Variants in NRROS observed in about 807,000 individuals in gnomAD.
The protein encoded by NRROS is transforming growth factor beta activator LRRC33.
Under a neutral mutation model 12.0 loss-of-function variants are expected in NRROS, and 6 were observed. The observed-to-expected ratio is 0.50, with a 90% CI of 0.27 to 0.98. The LOEUF (loss-of-function observed/expected upper bound fraction) is 0.98, where lower values mean the gene tolerates loss of function less well. NRROS is among the 50% of genes least tolerant of loss of function. The pLI is 0.11. For synonymous variants in NRROS, 462 were observed against 410.2 expected (o/e 1.13, Z -1.53); for missense variants, 857 against 888.2 (o/e 0.96, Z 0.45).
At position 196,659,957 on chromosome 3, in the gene NRROS, G is replaced by A; in HGVS notation, c.314G>A (p.Gly105Asp). The change falls in exon 3 of 3, where the codon GGT (glycine) becomes GAT (aspartate). Residue 105 changes from glycine to aspartate, a missense_variant. Gly to Asp is a moderately conservative substitution (Grantham distance 94, BLOSUM62 -1). Coordinates refer to ENST00000328557, the MANE Select transcript of NRROS (RefSeq NM_198565.3). ...RISRGAFQEQ[G>D]HLRSLVLGDN... ...AGCCGCGGCGCCTTCCAGGAGCAAG[G>A]TCACCTGCGCAGCCTGGTCCTGGGG... is the stretch of plus-strand genomic sequence containing the variant. The A allele has an allele frequency of 6.2e-7, 1 of 1,614,004 alleles. No homozygotes were observed. The highest frequency in any genetic ancestry group is 8.5e-7 in the Non-Finnish European group (1 of 1,179,980).
intron 2 of NRROS, among the ~76,000 whole-genome samples, chr3:196,658,867 G>A (rs1737596110): frequency 6.6e-6 from 1 of 152,128 alleles, no homozygotes; most frequent in Non-Finnish European, 1.5e-5. Flanking sequence ...CTACTCGGGA[G>A]GCTGAAACAG....
At chr3:196,649,505 T>C (rs113146180) in intron 1 of NRROS, among the ~76,000 whole-genome samples, 10,745 of 152,050 alleles carry the variant, frequency 0.071, 715 homozygotes, top group African/African-American at 0.18. Context: ...GGAGTCTCGC[T>C]CTGTCGCCCA....
At chr3:196,648,790 A>AAAAAC (rs1737358266) in intron 1 of NRROS, among the ~76,000 whole-genome samples, 1 of 146,136 alleles carries the variant, frequency 6.8e-6, no homozygotes, top group Non-Finnish European at 1.5e-5. Context: ...AAAAAAAAAA[A>AAAAAC]TTCCAACATC....
At chr3:196,653,416 G>C (rs1283569384) in intron 1 of NRROS, among the ~76,000 whole-genome samples, 6 of 151,752 alleles carry the variant, frequency 4.0e-5, no homozygotes. Context: ...GGAGGCCCCT[G>C]AGTGGCTGGA....
chr3:196,659,704 C>T (rs771034780), intron 2 of NRROS, 48 bp from the exon 3 acceptor site: 2 of 1,553,568 alleles, frequency 1.3e-6, no homozygotes, highest in Non-Finnish European at 1.7e-6. Flanking sequence ...TGCATAAATG[C>T]TTGCCTCTGG....
At chr3:196,658,019 G>A (rs1222860108) in intron 2 of NRROS, among the ~76,000 whole-genome samples, 2 of 152,180 alleles carry the variant, frequency 1.3e-5, no homozygotes, top group African/African-American at 4.8e-5. Flanking sequence ...CAGGGTAATG[G>A]AGGTCTCTTT....
At chr3:196,649,323 C>T (rs535702731) in intron 1 of NRROS, among the ~76,000 whole-genome samples, 1 of 152,170 alleles carries the variant, frequency 6.6e-6, no homozygotes, top group African/African-American at 2.4e-5. Context: ...TTCTTGCAGT[C>T]AAAGGCAGAC....
chr3:196,654,684 C>G lies in NRROS; in HGVS notation c.108+37C>G. The G allele has an allele frequency of 7.6e-7, 1 of 1,308,102 alleles. No homozygotes were observed. The highest frequency in any genetic ancestry group is 1.1e-6 in the Non-Finnish European group (1 of 911,594). 81.0% of individuals were successfully genotyped at this position (1,308,102 alleles called of 1,614,324 possible). ...TTGAACCCTGATCTGTCGGCTGCTC[C>G]TGTCCTGACAAGGCTTGGTCCATTT... On this transcript the variant is annotated intron_variant, in intron 2 of 2. Coordinates refer to ENST00000328557, the MANE Select transcript of NRROS (RefSeq NM_198565.3). The surrounding 1 kb of genome is among the most constrained non-coding windows in gnomAD (Gnocchi z 4.4).
intron 1 of NRROS, among the ~76,000 whole-genome samples, chr3:196,644,835 C>A (rs1417008941): frequency 6.6e-6 from 1 of 150,896 alleles, no homozygotes; most frequent in Admixed American, 6.6e-5. Context: ...TGCCTGTAGC[C>A]CCAGCTACTC....
chr3:196,642,696 T>C (rs1737231333), intron 1 of NRROS, among the ~76,000 whole-genome samples: 1 of 152,068 alleles, frequency 6.6e-6, no homozygotes, highest in Non-Finnish European at 1.5e-5. Context: ...CACACAGACT[T>C]TTGAAGAAAG....
chr3:196,659,639 C>T, intron 2 of NRROS, 113 bp from the exon 3 acceptor site: 1 of 1,102,696 alleles, frequency 9.1e-7, no homozygotes, highest in Non-Finnish European at 1.3e-6. Context: ...ATGAACATCT[C>T]TAGAGCCATC....
rs542462453 is a variant in NRROS, at chr3:196,661,609, A to G, written c.1966A>G (p.Ile656Val). Residue 656 changes from isoleucine to valine, a missense_variant, in exon 3 of 3, where the codon ATC (isoleucine) becomes GTC (valine). Physicochemically the swap from Ile to Val is conservative, Grantham distance 29. Coordinates refer to ENST00000328557, the MANE Select transcript of NRROS (RefSeq NM_198565.3). ...CCTGGGCCTGCTCTACCTCGTGCTC[A>G]TCCTCCCCAGCTGCCTCACCCTGCT... ...LDLGLLYLVLILPSCLTLLVA... is the reference protein window; with the variant it reads ...LDLGLLYLVLVLPSCLTLLVA... The G allele has an allele frequency of 6.2e-7, 1 of 1,613,376 alleles. No homozygotes were observed. Among genetic ancestry groups the G allele is most frequent in the African/African-American group, 1.3e-5 (1 of 74,998 alleles).
intron 2 of NRROS, among the ~76,000 whole-genome samples, chr3:196,658,237 C>CA (rs1737579307): frequency 1.3e-5 from 2 of 152,222 alleles, no homozygotes. Flanking sequence ...GGTTACTGAA[C>CA]AGTTTGCACA....
intron 1 of NRROS, among the ~76,000 whole-genome samples, chr3:196,650,268 C>CGA (rs1257158849): frequency 6.6e-6 from 1 of 152,194 alleles, no homozygotes; most frequent in Non-Finnish European, 1.5e-5. Context: ...CTCAGCCTCC[C>CGA]GAGTAGCTGG....
At position 196,661,069 on chromosome 3, in the gene NRROS, G is replaced by T. The variant is rs759649681; in HGVS notation, c.1426G>T (p.Ala476Ser). The change falls in exon 3 of 3, where the codon GCA becomes TCA. Residue 476 changes from alanine (A) to serine (S), a missense_variant. Transcript: ENST00000328557. Reference protein sequence around the residue: ...SLSLEGCGLGALPDCPFQGTS... With the variant: ...SLSLEGCGLGSLPDCPFQGTS... ...GTCTCTGGAGGGCTGTGGCCTGGGG[G>T]CATTGCCAGACTGCCCATTCCAAGG... 4.3e-6 allele frequency: 7 copies of T among 1,614,142 alleles called. No homozygotes were observed. The highest frequency in any genetic ancestry group is 2.2e-5 in the South Asian group (2 of 91,086).
chr3:196,652,157 A>G (rs932149718), intron 1 of NRROS, among the ~76,000 whole-genome samples: 1 of 152,182 alleles, frequency 6.6e-6, no homozygotes, highest in Non-Finnish European at 1.5e-5. Flanking sequence ...CAGAGTTTTT[A>G]ATTGAACCTT....
Position 196,648,333 on chromosome 3 carries a change from T to C in NRROS, c.-13-6194T>C, listed in dbSNP as rs559812775. Among the ~76,000 whole-genome samples the C allele has an allele frequency of 1.1e-4, 17 of 152,296 alleles. No individual in the cohort carries two copies. The South Asian group carries it at 3.5e-3, about 32-fold the overall frequency. ...TGCTTCAGCATGCATTTCCTAACAA[T>C]AGAGGCGATGTCTTACATAACCACA... On this transcript the variant is annotated intron_variant, in intron 1 of 2. Coordinates refer to ENST00000328557, the MANE Select transcript of NRROS (RefSeq NM_198565.3).
In NRROS at chr3:196,654,965, A is replaced by G. The variant is rs2340533; in HGVS notation, c.108+318A>G. The G allele has an allele frequency of 0.77, 193,521 of 249,826 alleles. 75,405 individuals carry two copies. The highest frequency in any genetic ancestry group is 0.84 in the African/African-American group (36,817 of 43,874). 15.5% of individuals were successfully genotyped at this position (249,826 alleles called of 1,614,324 possible). On this transcript the variant is annotated intron_variant, in intron 2 of 2. Transcript: ENST00000328557. The surrounding 1 kb of genome is among the most constrained non-coding windows in gnomAD (Gnocchi z 4.4). ...AATCTGGATGATTCAGGCCGGGTGC[A>G]GTGGCTCAGGCCTGTAATCCCAGCA...
chr3:196,656,486 C>G (rs966780096), intron 2 of NRROS, among the ~76,000 whole-genome samples: 1 of 152,192 alleles, frequency 6.6e-6, no homozygotes, highest in African/African-American at 2.4e-5. Context: ...ATAATAATAT[C>G]TACCAATAAC....
Sources: allele counts gnomAD v4.1 joint callset (sites outside exome capture counted in the v4.1 genomes callset), GRCh38; gene constraint gnomAD v4.1.1; non-coding constraint Gnocchi (gnomAD v3.1); transcripts MANE v1.5; gene names NCBI Gene and HGNC (gene_info 2026-07-23, HGNC 2026-07-21).